The following SLC8A1 variants were observed in gnomAD, a reference collection of about 807,000 sequenced individuals.
The protein encoded by SLC8A1 is sodium/calcium exchanger 1.
In SLC8A1, 18 loss-of-function variants were observed where a neutral mutation model predicts 68.3. That is an observed-to-expected ratio of 0.26 (90% CI 0.18 to 0.39). SLC8A1 has a LOEUF of 0.39. SLC8A1 is among the 10% of genes least tolerant of loss of function. The pLI is 1.00. For synonymous variants in SLC8A1, 475 were observed against 415.5 expected (o/e 1.14, Z -1.74); for missense variants, 985 against 1,156.7 (o/e 0.85, Z 2.15).
intron 2 of SLC8A1, among the ~76,000 whole-genome samples, chr2:40,215,289 C>G (rs184451438): frequency 3.3e-5 from 5 of 152,144 alleles, no homozygotes; most frequent in African/African-American, 1.2e-4. Context: ...CTTCAGCTTT[C>G]CTAGTAGCCG....
intron 1 of SLC8A1, among the ~76,000 whole-genome samples, chr2:40,494,878 G>A (rs114010108): frequency 0.014 from 2,168 of 151,418 alleles, 22 homozygotes; most frequent in Non-Finnish European, 0.021. Flanking sequence ...ATCATGTACC[G>A]TGTTTATATG....
At chr2:40,279,975 A>G (rs1028150809) in intron 2 of SLC8A1, among the ~76,000 whole-genome samples, 4 of 152,190 alleles carry the variant, frequency 2.6e-5, no homozygotes, top group African/African-American at 9.7e-5. Flanking sequence ...ATTCTGATTA[A>G]TATACAATTG....
At chr2:40,372,690 C>A (rs951286169) in intron 2 of SLC8A1, among the ~76,000 whole-genome samples, 1 of 152,080 alleles carries the variant, frequency 6.6e-6, no homozygotes. Context: ...TTCCTGCATT[C>A]TTTCTATGTT....
intron 2 of SLC8A1, among the ~76,000 whole-genome samples, chr2:40,382,149 T>C (rs1424886390): frequency 6.6e-6 from 1 of 152,106 alleles, no homozygotes; most frequent in Non-Finnish European, 1.5e-5. Flanking sequence ...AGTTTAATTA[T>C]TACTTTACAT....
At chr2:40,303,771 TG>T (rs1295839883) in intron 2 of SLC8A1, among the ~76,000 whole-genome samples, 1 of 152,196 alleles carries the variant, frequency 6.6e-6, no homozygotes, top group Non-Finnish European at 1.5e-5. Context: ...AGGGGGATTC[TG>T]GGTTTTCCAG....
rs2076080767 is a variant in SLC8A1 at position 40,328,505 on chromosome 2, A to T, written c.1808+99968T>A. Among the ~76,000 whole-genome samples, 3 of 152,094 alleles carry T rather than the reference A, an allele frequency of 2.0e-5. No homozygotes were observed. In the South Asian group the frequency reaches 6.2e-4, roughly 31 times the overall value. ...ATATTTCTGTAGGTAATGTCACCTG[A>T]TGACTTAGCTCTTGTCATTACTTCT... On this transcript the variant is annotated intron_variant, in intron 2 of 7. Transcript: ENST00000406785.
At chr2:40,263,941 A>G (rs556604728) in intron 2 of SLC8A1, among the ~76,000 whole-genome samples, 3 of 152,322 alleles carry the variant, frequency 2.0e-5, no homozygotes, top group Admixed American at 2.0e-4. Context: ...AATTTTCACA[A>G]CCTACTCATC....
intron 2 of SLC8A1, among the ~76,000 whole-genome samples, chr2:40,363,448 A>G (rs1675169809): frequency 6.6e-6 from 1 of 152,124 alleles, no homozygotes. Flanking sequence ...CAGACCTCCA[A>G]ACTCACTTGT....
intron 2 of SLC8A1, among the ~76,000 whole-genome samples, chr2:40,179,852 C>A (rs369252576): frequency 6.6e-6 from 1 of 152,134 alleles, no homozygotes; most frequent in South Asian, 2.1e-4. Context: ...AATTTCCCAG[C>A]GCCTAATGCC....
chr2:40,302,499 A>G (rs759292849), intron 2 of SLC8A1, among the ~76,000 whole-genome samples: 1 of 150,104 alleles, frequency 6.7e-6, no homozygotes, highest in Non-Finnish European at 1.5e-5. Flanking sequence ...TATATATCAT[A>G]TATGTGTGTG....
intron 2 of SLC8A1, among the ~76,000 whole-genome samples, chr2:40,305,976 C>G (rs990192188): frequency 5.3e-5 from 8 of 152,132 alleles, no homozygotes; most frequent in African/African-American, 1.9e-4. Flanking sequence ...CATTTTGTTG[C>G]TTGGCACATC....
chr2:40,176,407 A>T (rs955596194), intron 3 of SLC8A1, among the ~76,000 whole-genome samples: 1 of 152,212 alleles, frequency 6.6e-6, no homozygotes, highest in African/African-American at 2.4e-5. Context: ...GAATACATTG[A>T]GAAGAAAGTG....
chr2:40,192,709 C>T (rs945443669), intron 2 of SLC8A1, among the ~76,000 whole-genome samples: 2 of 151,892 alleles, frequency 1.3e-5, no homozygotes, highest in African/African-American at 4.8e-5. Flanking sequence ...AACTTGCTGT[C>T]TTGGTGTAAT....
At chr2:40,114,696 C>A (rs1374147303) in exon 8 of SLC8A1, 2 of 152,498 alleles carry the variant, frequency 1.3e-5, no homozygotes, top group African/African-American at 4.8e-5. Context: ...TAAGCATGAA[C>A]TTTGGTAATA....
intron 2 of SLC8A1, among the ~76,000 whole-genome samples, chr2:40,388,880 G>T (rs1684419298): frequency 6.6e-6 from 1 of 152,092 alleles, no homozygotes; most frequent in Admixed American, 6.6e-5. Flanking sequence ...AATAAAATCA[G>T]ATAAGAAAAT....
At chr2:40,341,207 T>C (rs918837838) in intron 2 of SLC8A1, among the ~76,000 whole-genome samples, 1 of 152,202 alleles carries the variant, frequency 6.6e-6, no homozygotes, top group African/African-American at 2.4e-5. Context: ...GACTGAAAAT[T>C]AGTTGGCTTC....
chr2:40,112,074 T>C (rs1342973455), exon 8 of SLC8A1: 1 of 152,338 alleles, frequency 6.6e-6, no homozygotes, highest in African/African-American at 2.4e-5. Flanking sequence ...GACCGAAGGG[T>C]TGACGTTTGC....
intron 2 of SLC8A1, chr2:40,250,423 T>C (rs1050131265): frequency 7.9e-5 from 12 of 152,158 alleles, no homozygotes; most frequent in African/African-American, 2.7e-4. Context: ...ATTATTAAAA[T>C]TAGTGATCAT....
At chr2:40,337,421 G>T (rs183987250) in intron 2 of SLC8A1, 29 of 266,270 alleles carry the variant, frequency 1.1e-4, no homozygotes, top group South Asian at 6.6e-4. Flanking sequence ...CTTTAAGAAA[G>T]TACCTGATTC....
Sources: allele counts gnomAD v4.1 joint callset (sites outside exome capture counted in the v4.1 genomes callset), GRCh38; gene constraint gnomAD v4.1.1; transcripts MANE v1.5; gene names NCBI Gene and HGNC (gene_info 2026-07-23, HGNC 2026-07-21).